Variants in NCOR2 observed in about 807,000 individuals in gnomAD.
NCOR2 encodes CTG repeat protein 26.
In NCOR2, 81 loss-of-function variants were observed where a neutral mutation model predicts 262.9. The observed-to-expected ratio is 0.31, with a 90% CI of 0.26 to 0.37. The LOEUF (loss-of-function observed/expected upper bound fraction) is 0.37. Ranked by LOEUF, NCOR2 falls within the 10% of genes least tolerant of loss-of-function variation. The pLI, the probability that NCOR2 is intolerant of heterozygous loss-of-function variation, is 1.00. For synonymous variants in NCOR2, 1,659 were observed against 1,559.3 expected, an observed-to-expected ratio of 1.06 and a Z score of -1.51; for missense variants, 3,385 against 3,621.4, an observed-to-expected ratio of 0.93 and a Z score of 1.68.
intron 1 of NCOR2, among the ~76,000 whole-genome samples, chr12:124,552,759 G>A (rs1484487948): frequency 6.6e-6 from 1 of 152,168 alleles, no homozygotes; most frequent in East Asian, 1.9e-4. Flanking sequence ...CATGATCACA[G>A]CTCACTGCAG....
At chr12:124,527,817 C>A (rs1172303807) in intron 1 of NCOR2, among the ~76,000 whole-genome samples, 1 of 152,226 alleles carries the variant, frequency 6.6e-6, no homozygotes, top group African/African-American at 2.4e-5. Context: ...GCTCCCACTT[C>A]GAAGCTCCAG....
intron 18 of NCOR2, among the ~76,000 whole-genome samples, chr12:124,376,012 C>A (rs1436043372): frequency 6.6e-6 from 1 of 152,324 alleles, no homozygotes; most frequent in East Asian, 1.9e-4. Context: ...ACGCAGCGTG[C>A]GCTGGCTGGG....
At chr12:124,499,637 G>C (rs754176998), upstream of NCOR2, among the ~76,000 whole-genome samples, 30 of 152,174 alleles carry the variant, frequency 2.0e-4, no homozygotes, top group Non-Finnish European at 3.8e-4. Context: ...GGGTGAGCGA[G>C]GGCCTGGGGG....
chr12:124,385,716 G>T, intron 17 of NCOR2, 29 bp downstream of exon 19: 4 of 1,609,762 alleles, frequency 2.5e-6, no homozygotes, highest in Non-Finnish European at 2.5e-6. Flanking sequence ...GCTTCCCAGA[G>T]GCGCGGTGCA....
In NCOR2 at chr12:124,481,636, C is replaced by T. The variant is rs1167163045; in HGVS notation, c.411+1960G>A. On this transcript the variant is annotated intron_variant, in intron 3 of 46. Transcript: ENST00000405201. The surrounding 1 kb of genome is among the most constrained non-coding windows in gnomAD (Gnocchi z 4.6). ...AGGAACTCCAGGGTGGCCTGGGAGG[C>T]TGTACGTGAGCGGTTGAGAGGGCTG... Among the ~76,000 whole-genome samples, 2 of 152,148 alleles carry T rather than the reference C, an allele frequency of 1.3e-5. No individual in the cohort carries two copies. The highest frequency in any genetic ancestry group is 2.9e-5 in the Non-Finnish European group (2 of 67,994).
At position 124,504,442 on chromosome 12, in the gene NCOR2, G is replaced by C. The variant is rs964875192; in HGVS notation, c.-117-9074C>G. ...AGGGCTGCTCACACATTGCGGGTGG[G>C]AATGTCAGATGTGCAGTGCAGCCAC... On this transcript the variant is annotated intron_variant, in intron 1 of 46. Coordinates refer to the NCOR2 transcript ENST00000404621. The surrounding 1 kb of genome is among the most constrained non-coding windows in gnomAD (Gnocchi z 4.5). 3.3e-5 allele frequency among the ~76,000 whole-genome samples: 5 copies of C among 152,194 alleles called. No homozygotes were observed. The highest frequency in any genetic ancestry group is 7.3e-5 in the Non-Finnish European group (5 of 68,042).
chr12:124,358,557 A>G (rs764262147), intron 22 of NCOR2, among the ~76,000 whole-genome samples: 3 of 152,188 alleles, frequency 2.0e-5, no homozygotes, highest in Non-Finnish European at 4.4e-5. Context: ...CACGGCCTCC[A>G]TGAGCCTCCG....
intron 11 of NCOR2, 104 bp downstream of exon 13, chr12:124,426,518 A>ACCC (rs2043560636): frequency 8.6e-7 from 1 of 1,156,936 alleles, no homozygotes; most frequent in African/African-American, 1.6e-5. Flanking sequence ...GGTTTTAAGC[A>ACCC]CCCCCCGGCA....
chr12:124,347,966 C>CA, intron 29 of NCOR2, 55 bp from the exon 32 acceptor site: 1 of 1,525,466 alleles, frequency 6.6e-7, no homozygotes. Context: ...CGACACTGGG[C>CA]AGTGACAGGG....
rs564023514 is a variant in NCOR2 at position 124,549,523 on chromosome 12, C to G, written c.-164-13912G>C. 2.6e-3 allele frequency among the ~76,000 whole-genome samples: 389 copies of G among 152,170 alleles called. No individual in the cohort carries two copies. Among genetic ancestry groups the G allele is most frequent in the Non-Finnish European group, 3.8e-3 (261 of 67,980 alleles). ...GCGAGGCCAGGCACAGAGAAGGTAC[C>G]AAGGGCTTCTGCCCCAGCGCCGGGG... On this transcript the variant is annotated intron_variant, in intron 1 of 32. Coordinates refer to the NCOR2 transcript ENST00000458234. The surrounding 1 kb of genome is among the most constrained non-coding windows in gnomAD (Gnocchi z 4.4).
At chr12:124,377,906 G>A (rs1654073344) in intron 18 of NCOR2, among the ~76,000 whole-genome samples, 1 of 152,052 alleles carries the variant, frequency 6.6e-6, no homozygotes, top group African/African-American at 2.4e-5. Context: ...ATCGGATGGG[G>A]TGAAAGACAG....
intron 1 of NCOR2, among the ~76,000 whole-genome samples, chr12:124,527,086 C>T (rs566888576): frequency 6.6e-6 from 1 of 152,340 alleles, no homozygotes; most frequent in Admixed American, 6.5e-5. Flanking sequence ...CTGTTTATGG[C>T]AGTCGTGGAA....
chr12:124,489,326 T>C (rs536418912), intron 1 of NCOR2, among the ~76,000 whole-genome samples: 1 of 152,272 alleles, frequency 6.6e-6, no homozygotes, highest in South Asian at 2.1e-4. Flanking sequence ...TCTAAATATA[T>C]TAGTTAATTT....
chr12:124,499,939 T>TAG (rs200810239), upstream of NCOR2, among the ~76,000 whole-genome samples: 8 of 151,434 alleles, frequency 5.3e-5, no homozygotes, highest in Admixed American at 5.3e-4. Flanking sequence ...AATGGGCAGG[T>TAG]GGATGAAAGT....
intron 42 of NCOR2, among the ~76,000 whole-genome samples, chr12:124,332,756 G>A (rs2035315235): frequency 6.6e-6 from 1 of 152,156 alleles, no homozygotes; most frequent in Admixed American, 6.5e-5. Context: ...ACTGAAATTG[G>A]GTTCCGATCA....
chr12:124,451,088 G>A (rs548161302), intron 6 of NCOR2, among the ~76,000 whole-genome samples: 8 of 152,388 alleles, frequency 5.2e-5, no homozygotes, highest in African/African-American at 1.9e-4. Flanking sequence ...CTTAGCAAAA[G>A]CAGAGGCTTG....
At chr12:124,562,728 C>T (rs1375493993) in intron 1 of NCOR2, among the ~76,000 whole-genome samples, 1 of 152,222 alleles carries the variant, frequency 6.6e-6, no homozygotes, top group Admixed American at 6.5e-5. Context: ...AAGCCTGGGG[C>T]TCTGGAAAAG....
upstream of NCOR2, among the ~76,000 whole-genome samples, chr12:124,498,577 G>GA (rs1055686172): frequency 2.6e-5 from 4 of 151,478 alleles, no homozygotes; most frequent in South Asian, 2.1e-4. Context: ...CTGCCAACTC[G>GA]AAAAAAAACA....
At chr12:124,559,729 C>T (rs1368958910) in intron 1 of NCOR2, among the ~76,000 whole-genome samples, 1 of 152,218 alleles carries the variant, frequency 6.6e-6, no homozygotes, top group Admixed American at 6.5e-5. Context: ...AATCCAAAAT[C>T]AGGATGAAGT....
Sources: gnomAD v4.1 joint callset for allele counts (sites outside exome capture counted in the v4.1 genomes callset) on GRCh38, gnomAD v4.1.1 for gene constraint, Gnocchi (gnomAD v3.1) non-coding constraint, MANE v1.5 for transcripts, NCBI Gene and HGNC (gene_info 2026-07-23, HGNC 2026-07-21) for gene names.